Variants in TCF20 observed in about 807,000 individuals in gnomAD.
TCF20 encodes the protein SPRE-binding protein.
In TCF20, 3 loss-of-function variants were observed where a neutral mutation model predicts 148.6. That is an observed-to-expected ratio of 0.02 (90% CI 0.01 to 0.05). The LOEUF is 0.05. Ranked by LOEUF, TCF20 falls within the 10% of genes least tolerant of loss-of-function variation. The pLI, the probability that TCF20 is intolerant of heterozygous loss-of-function variation, is 1.00. For synonymous variants in TCF20, 1,049 were observed against 909.5 expected (o/e 1.15, Z -2.76); for missense variants, 2,350 against 2,429.3 (o/e 0.97, Z 0.69).
At chr22:42,177,341 G>A (rs1936512255) in intron 3 of TCF20, among the ~76,000 whole-genome samples, 1 of 152,198 alleles carries the variant, frequency 6.6e-6, no homozygotes, top group African/African-American at 2.4e-5. Flanking sequence ...CTTGAATCTG[G>A]GAGGCAGAGG....
In TCF20 at chr22:42,160,956, AC is replaced by A. The variant is rs563229852; in HGVS notation, c.*446del. 45 of 167,264 alleles carry A rather than the reference AC, an allele frequency of 2.7e-4. No individual in the cohort carries two copies. Among genetic ancestry groups the A allele is most frequent in the Non-Finnish European group, 5.0e-4 (39 of 77,848 alleles). 10.4% of individuals were successfully genotyped at this position (167,264 alleles called of 1,614,324 possible). A position where few individuals can be genotyped will look rare whatever the true frequency, so the allele number is the denominator to read the frequency against. On this transcript the variant is annotated 3_prime_UTR_variant, in exon 6 of 6. Transcript: ENST00000677622. Reference sequence around the variant, plus strand: ...CATTTAAATTTCACTTGTCATCGGAACAAATTTGGAGATCTTTAACGAGATA... The same window carrying A: ...CATTTAAATTTCACTTGTCATCGGAAAAATTTGGAGATCTTTAACGAGATA...
chr22:42,254,822 G>A (rs184141813), intron 1 of TCF20, among the ~76,000 whole-genome samples: 8 of 151,866 alleles, frequency 5.3e-5, no homozygotes, highest in Non-Finnish European at 7.4e-5. Context: ...AAAATTAGCC[G>A]CGGGTGGAGG....
Position 42,214,776 on chromosome 22 carries a change from T to G in TCF20, c.530A>C (p.Gln177Pro). ...YQQQASSQQQQQQVQQLRQQL... is the reference protein window; with the variant it reads ...YQQQASSQQQPQQVQQLRQQL... The stretch of plus-strand genomic sequence containing the variant: ...TTGTCTCAACTGCTGGACTTGCTGC[T>G]GCTGCTGCTGGCTGGAAGCCTGCTG... Residue 177 changes from glutamine (Q) to proline (P), a missense_variant, in exon 2 of 6, where the codon CAG becomes CCG. This residue lies in a region of TCF20 where 1,641 missense variants were observed against 1,662.6 expected (regional missense o/e 0.99). Transcript: ENST00000677622. The G allele has an allele frequency of 6.2e-7, 1 of 1,614,120 alleles. No homozygotes were observed. Among genetic ancestry groups the G allele is most frequent in the Non-Finnish European group, 8.5e-7 (1 of 1,180,028 alleles).
intron 1 of TCF20, among the ~76,000 whole-genome samples, chr22:42,259,829 TAAAC>T (rs1320742456): frequency 6.6e-6 from 1 of 152,142 alleles, no homozygotes; most frequent in Non-Finnish European, 1.5e-5. Flanking sequence ...AAAAGGGAGA[TAAAC>T]AAAAGGACAA....
At chr22:42,225,196 A>G (rs977978889) in intron 1 of TCF20, among the ~76,000 whole-genome samples, 4 of 151,962 alleles carry the variant, frequency 2.6e-5, no homozygotes, top group Non-Finnish European at 4.4e-5. Context: ...GCATTTCGCC[A>G]TGTTGGCCAG....
intron 2 of TCF20, among the ~76,000 whole-genome samples, chr22:42,184,211 C>G (rs1411040556): frequency 6.6e-6 from 1 of 152,088 alleles, no homozygotes; most frequent in Non-Finnish European, 1.5e-5. Flanking sequence ...GTAGAAGAAA[C>G]AAGAGGCTAA....
chr22:42,232,514 GGCATAGTCATCTTTCA>G (rs1441031195), intron 1 of TCF20, among the ~76,000 whole-genome samples: 1 of 152,080 alleles, frequency 6.6e-6, no homozygotes, highest in Non-Finnish European at 1.5e-5. Context: ...GGGATTACAG[GGCATAGTCATCTTTCA>G]GCAACTAGTT....
chr22:42,286,469 A>C (rs1394952399), upstream of TCF20, among the ~76,000 whole-genome samples: 1 of 152,152 alleles, frequency 6.6e-6, no homozygotes, highest in Non-Finnish European at 1.5e-5. Context: ...CACCTGTAAA[A>C]TGGGGATAAG....
chr22:42,163,550 T>G (rs1035676701), intron 5 of TCF20, among the ~76,000 whole-genome samples: 2 of 152,254 alleles, frequency 1.3e-5, no homozygotes, highest in African/African-American at 4.8e-5. Flanking sequence ...CACAGTAACG[T>G]GGATCTGCCT....
At chr22:42,260,956 C>T (rs543519783) in intron 1 of TCF20, among the ~76,000 whole-genome samples, 2 of 152,134 alleles carry the variant, frequency 1.3e-5, no homozygotes, top group Non-Finnish European at 2.9e-5. Context: ...TTGATGAATG[C>T]CTATCAAGAC....
chr22:42,180,138 T>C (rs1374890294), intron 2 of TCF20, among the ~76,000 whole-genome samples: 1 of 152,226 alleles, frequency 6.6e-6, no homozygotes, highest in Non-Finnish European at 1.5e-5. Flanking sequence ...AGTAGAGTTA[T>C]ATATAAACCT....
intron 1 of TCF20, among the ~76,000 whole-genome samples, chr22:42,320,555 A>G (rs1927713931): frequency 1.3e-5 from 2 of 152,204 alleles, no homozygotes; most frequent in African/African-American, 4.8e-5. Flanking sequence ...CATCAAGTGA[A>G]CATCCCTCTC....
intron 2 of TCF20, among the ~76,000 whole-genome samples, chr22:42,203,682 C>G (rs564966618): frequency 6.6e-6 from 1 of 152,232 alleles, no homozygotes; most frequent in East Asian, 1.9e-4. Flanking sequence ...AGGGCGCCAC[C>G]GCCTAGAGAG....
At chr22:42,334,696 C>T (rs1438238325) in intron 1 of TCF20, among the ~76,000 whole-genome samples, 1 of 152,234 alleles carries the variant, frequency 6.6e-6, no homozygotes, top group East Asian at 1.9e-4. Context: ...ATTCTCTAAG[C>T]AGCCTCACAA....
intron 2 of TCF20, among the ~76,000 whole-genome samples, chr22:42,198,341 T>G (rs914552068): frequency 1.3e-5 from 2 of 152,214 alleles, no homozygotes; most frequent in African/African-American, 4.8e-5. Flanking sequence ...GGTCTAAATG[T>G]GGTAATTCAC....
At chr22:42,168,132 G>A (rs1935900693) in intron 5 of TCF20, among the ~76,000 whole-genome samples, 1 of 151,704 alleles carries the variant, frequency 6.6e-6, no homozygotes, top group African/African-American at 2.4e-5. Flanking sequence ...TCATAATACT[G>A]GAAAAAAAAG....
intron 5 of TCF20, among the ~76,000 whole-genome samples, chr22:42,166,830 G>A (rs930012310): frequency 4.6e-5 from 7 of 152,136 alleles, no homozygotes; most frequent in Non-Finnish European, 8.8e-5. Context: ...CCAGGAATAC[G>A]CATCGTGGTC....
Position 42,290,090 on chromosome 22 carries a change from G to A in TCF20, c.-37+53389C>T, listed in dbSNP as rs1927106745. Among the ~76,000 whole-genome samples, 1 of 152,206 alleles carries A rather than the reference G, an allele frequency of 6.6e-6. No homozygotes were observed. The highest frequency in any genetic ancestry group is 6.5e-5 in the Admixed American group (1 of 15,286). ...CACGCATGCGCCCCCTGCACCGCCGGCTGCTGCTTGGGGAGCGGGGGTCAG... is the reference window on the plus strand; with the variant it reads ...CACGCATGCGCCCCCTGCACCGCCGACTGCTGCTTGGGGAGCGGGGGTCAG... On this transcript the variant is annotated intron_variant, in intron 1 of 1. Coordinates refer to the TCF20 transcript ENST00000515426. This position sits in a 1 kb window ranked among gnomAD's most constrained non-coding sequence, Gnocchi z 4.2.
rs966344458 is a variant in TCF20, at chr22:42,342,104, G to C, written c.-37+1375C>G. 7.2e-5 allele frequency among the ~76,000 whole-genome samples: 11 copies of C among 152,182 alleles called. 1 individual carries two copies. Among genetic ancestry groups the C allele is most frequent in the Non-Finnish European group, 1.5e-5 (1 of 68,030 alleles). ...GGTGGGCAGGGGAGACGGCTCAGAG[G>C]AGAGGTCCAGCCTCGAAAAGTGGCT... On this transcript the variant is annotated intron_variant, in intron 1 of 1. Coordinates refer to the TCF20 transcript ENST00000515426.
Sources: gnomAD v4.1 joint callset for allele counts (sites outside exome capture counted in the v4.1 genomes callset) on GRCh38, gnomAD v4.1.1 for gene constraint, gnomAD v4.1.1 regional missense constraint, Gnocchi (gnomAD v3.1) non-coding constraint, MANE v1.5 for transcripts, NCBI Gene and HGNC (gene_info 2026-07-23, HGNC 2026-07-21) for gene names.